Variants in CWF19L1 observed in about 807,000 individuals in gnomAD.
CWF19L1 encodes CWF19 like cell cycle control factor 1.
CWF19L1 carries 60 observed loss-of-function variants against 69.7 expected under a neutral mutation model. The observed-to-expected ratio is 0.86, with a 90% CI of 0.70 to 1.07. The LOEUF is 1.07. Ranked by LOEUF, CWF19L1 falls within the 50% of genes least tolerant of loss-of-function variation. CWF19L1 has a pLI of 0.00. For missense variants in CWF19L1, 591 were observed against 638.9 expected (o/e 0.92, Z 0.81); for synonymous variants, 209 against 222.2 (o/e 0.94, Z 0.53).
chr10:100,266,955 C>T (rs1442438987), intron 1 of CWF19L1, among the ~76,000 whole-genome samples: 3 of 151,818 alleles, frequency 2.0e-5, no homozygotes, highest in Non-Finnish European at 4.4e-5. Context: ...AAGCGATTCT[C>T]CTGCCTCAGC....
intron 12 of CWF19L1, 106 bp from the exon 13 acceptor site, chr10:100,235,870 G>T (rs1846418388): frequency 2.5e-6 from 2 of 793,674 alleles, no homozygotes; most frequent in African/African-American, 3.5e-5. Context: ...AAGAAAAAAA[G>T]ATATGTATGT....
At chr10:100,234,849 G>C (rs1846380962) in intron 13 of CWF19L1, among the ~76,000 whole-genome samples, 1 of 152,102 alleles carries the variant, frequency 6.6e-6, no homozygotes, top group Non-Finnish European at 1.5e-5. Context: ...CTGATACGAG[G>C]AACAGAACTG....
At chr10:100,243,300 G>C (rs1335048648) in intron 10 of CWF19L1, among the ~76,000 whole-genome samples, 2 of 152,070 alleles carry the variant, frequency 1.3e-5, no homozygotes, top group Non-Finnish European at 2.9e-5. Flanking sequence ...GCAATAAAAA[G>C]GAATGAAATA....
intron 10 of CWF19L1, among the ~76,000 whole-genome samples, chr10:100,239,271 CT>C (rs1388468095): frequency 6.6e-6 from 1 of 152,216 alleles, no homozygotes; most frequent in East Asian, 1.9e-4. Flanking sequence ...CAGATATTCT[CT>C]GATGGGAAGA....
Position 100,232,301 on chromosome 10 carries a change from C to T in CWF19L1, c.*926G>A, listed in dbSNP as rs1846306060. 6.6e-6 allele frequency: 1 copy of T among 152,202 alleles called. No individual in the cohort carries two copies. Among genetic ancestry groups the T allele is most frequent in the East Asian group, 1.9e-4 (1 of 5,190 alleles). The allele number at this position is 152,202 out of a possible 1,614,324, so 9.4% of individuals were successfully genotyped here. On this transcript the variant is annotated 3_prime_UTR_variant, in exon 14 of 14. Transcript: ENST00000354105. Reference sequence around the variant, plus strand: ...ACATGAACACAAGACACTTCTCAACCATGGAAAAACATCTGGATTTCATTT... The same window carrying T: ...ACATGAACACAAGACACTTCTCAACTATGGAAAAACATCTGGATTTCATTT...
intron 8 of CWF19L1, among the ~76,000 whole-genome samples, chr10:100,246,527 A>G (rs1038950283): frequency 1.3e-5 from 2 of 152,218 alleles, no homozygotes; most frequent in Non-Finnish European, 2.9e-5. Flanking sequence ...TAATCACTTT[A>G]GACAAAGACT....
chr10:100,263,175 GTTCTTTCCTCAAAACAT>G (rs764232266), intron 1 of CWF19L1, among the ~76,000 whole-genome samples: 7 of 152,120 alleles, frequency 4.6e-5, no homozygotes, highest in Non-Finnish European at 1.0e-4. Flanking sequence ...TCAGTTTAAT[GTTCTTTCCTCAAAACAT>G]TAAGAGGTTC....
intron 7 of CWF19L1, 96 bp downstream of exon 7, chr10:100,250,152 G>T: frequency 1.2e-6 from 1 of 860,508 alleles, no homozygotes; most frequent in Non-Finnish European, 2.0e-6. Context: ...CTTGCAGTCA[G>T]GGAGAAGAGA....
intron 1 of CWF19L1, among the ~76,000 whole-genome samples, chr10:100,266,034 C>A (rs1011481884): frequency 1.1e-4 from 16 of 152,020 alleles, no homozygotes; most frequent in African/African-American, 3.4e-4. Flanking sequence ...CAGAACATAA[C>A]CCTGCTGTTA....
intron 1 of CWF19L1, among the ~76,000 whole-genome samples, chr10:100,267,165 A>G (rs898882358): frequency 1.6e-4 from 24 of 151,192 alleles, no homozygotes; most frequent in Admixed American, 3.3e-4. Context: ...AAAAAAAAAA[A>G]AAAATGCCCC....
chr10:100,238,020 A>G lies in CWF19L1; in HGVS notation c.1254+2T>C. On this transcript the variant is annotated splice_donor_variant, in intron 11 of 13. Coordinates refer to ENST00000354105, the MANE Select transcript of CWF19L1 (RefSeq NM_018294.6). LOFTEE classifies it high-confidence loss of function. ...CCAAGTTTCTATGAACAGACCACCT[A>G]CCTGTAGCTGGAGGTGATGGCTCTT... 1 of 1,612,854 alleles carries G rather than the reference A, an allele frequency of 6.2e-7. No homozygotes were observed. Among genetic ancestry groups the G allele is most frequent in the South Asian group, 1.1e-5 (1 of 91,062 alleles).
intron 1 of CWF19L1, among the ~76,000 whole-genome samples, chr10:100,266,090 C>T (rs1223919216): frequency 6.6e-6 from 1 of 152,058 alleles, no homozygotes; most frequent in Non-Finnish European, 1.5e-5. Flanking sequence ...CTAACATTCT[C>T]GGGAAGCCTT....
chr10:100,248,496 A>G, intron 7 of CWF19L1: 1 of 679,602 alleles, frequency 1.5e-6, no homozygotes, highest in South Asian at 1.6e-5. Flanking sequence ...TGTGCCAGTC[A>G]TCACTGATAG....
At chr10:100,238,932 CAAAAAAAA>C (rs397845145) in intron 10 of CWF19L1, among the ~76,000 whole-genome samples, 1 of 68,582 alleles carries the variant, frequency 1.5e-5, no homozygotes, top group Admixed American at 2.2e-4. Context: ...ACTCCGTCTC[CAAAAAAAA>C]AAAAAAAAAA....
intron 9 of CWF19L1, among the ~76,000 whole-genome samples, chr10:100,244,901 C>T (rs765723166): frequency 2.6e-5 from 4 of 152,106 alleles, no homozygotes; most frequent in Admixed American, 6.5e-5. Flanking sequence ...GTGATCCACC[C>T]GCTTCGGCCA....
intron 12 of CWF19L1, 82 bp downstream of exon 12, chr10:100,236,768 T>TCAAA (rs961467251): frequency 7.1e-5 from 107 of 1,500,704 alleles, no homozygotes; most frequent in African/African-American, 2.0e-4. Context: ...AGACTCTGTC[T>TCAAA]CAAACAAACA....
rs746097669 is a variant in CWF19L1, at chr10:100,253,487, G to A, written c.557C>T (p.Thr186Met). The A allele has an allele frequency of 3.8e-5, 61 of 1,613,952 alleles. No homozygotes were observed. Among genetic ancestry groups the A allele is most frequent in the East Asian group, 1.1e-4 (5 of 44,886 alleles). ...CGSALVSSLA[T>M]GLKPRYHFAA... ...AAAATGGTATCTTGGTTTCAAGCCC[G>A]TGGCAAGACTGGAAACCAAAGCAGA... is the stretch of plus-strand genomic sequence containing the variant. The change falls in exon 6 of 14, where the codon ACG becomes ATG. Residue 186 changes from threonine to methionine, a missense_variant. Thr to Met is a moderately conservative substitution (Grantham distance 81, BLOSUM62 -1). Coordinates refer to ENST00000354105, the MANE Select transcript of CWF19L1 (RefSeq NM_018294.6).
intron 7 of CWF19L1, chr10:100,248,275 G>A: frequency 7.5e-7 from 1 of 1,332,758 alleles, no homozygotes; most frequent in Non-Finnish European, 1.1e-6. Flanking sequence ...CTGCCAAAGT[G>A]TTTTGAGTCC....
rs552349380 is a variant in CWF19L1, at chr10:100,253,544, T to C, written c.505-5A>G. 5 of 1,584,626 alleles carry C rather than the reference T, an allele frequency of 3.2e-6. No individual in the cohort carries two copies. In the East Asian group the frequency reaches 6.7e-5, roughly 21 times the overall value. On this transcript the variant is annotated splice_region_variant and splice_polypyrimidine_tract_variant and intron_variant, in intron 5 of 13. Transcript: ENST00000354105. ...TTTTTTGGTATCCACTTCTCCCTAG[T>C]AAACAAAAACTTAGTCATCCATACA...
Sources: allele counts gnomAD v4.1 joint callset (sites outside exome capture counted in the v4.1 genomes callset), GRCh38; gene constraint gnomAD v4.1.1; transcripts MANE v1.5; gene names NCBI Gene and HGNC (gene_info 2026-07-23, HGNC 2026-07-21).